SBNO2: variants seen among roughly 807,000 people sequenced by gnomAD.
SBNO2 encodes protein strawberry notch homolog 2.
SBNO2 carries 89 observed loss-of-function variants against 146.3 expected under a neutral mutation model. The observed-to-expected ratio is 0.61, with a 90% CI of 0.51 to 0.73. The LOEUF is 0.73. Ranked by LOEUF, SBNO2 falls within the 30% of genes least tolerant of loss-of-function variation. The pLI is 0.00. For missense variants in SBNO2, 2,092 were observed against 2,003.7 expected, an observed-to-expected ratio of 1.04 and a Z score of -0.84; for synonymous variants, 1,147 against 892.6, an observed-to-expected ratio of 1.29 and a Z score of -5.08.
chr19:1,161,805 G>A (rs1201120832), intron 1 of SBNO2, among the ~76,000 whole-genome samples: 1 of 151,718 alleles, frequency 6.6e-6, no homozygotes, highest in Non-Finnish European at 1.5e-5. Flanking sequence ...CCCTGACGCA[G>A]GTGGTGGGTG....
intron 4 of SBNO2, chr19:1,128,340 T>C (rs963966830): frequency 8.3e-6 from 3 of 361,726 alleles, no homozygotes; most frequent in East Asian, 7.9e-5. Flanking sequence ...GGGCTCGCCA[T>C]GGGGATGACA....
chr19:1,114,623 C>T (rs537379457), intron 17 of SBNO2, among the ~76,000 whole-genome samples: 3 of 149,356 alleles, frequency 2.0e-5, no homozygotes, highest in East Asian at 3.9e-4. Context: ...CAGGAGGGTA[C>T]GGTGTGGGGG....
chr19:1,116,686 G>T, intron 16 of SBNO2, 143 bp downstream of exon 16: 2 of 655,544 alleles, frequency 3.1e-6, no homozygotes, highest in Non-Finnish European at 5.1e-6. Context: ...GGCCTCTGTG[G>T]CTGAGGCTGG....
chr19:1,145,059 A>C lies in SBNO2; in HGVS notation c.279+2250T>G, dbSNP rs181770240. Among the ~76,000 whole-genome samples, 95 of 151,748 alleles carry C rather than the reference A, an allele frequency of 6.3e-4. 3 individuals carry two copies. In the East Asian group the frequency reaches 0.016, roughly 25 times the overall value. On this transcript the variant is annotated intron_variant, in intron 4 of 31. Transcript: ENST00000361757. Reference sequence around the variant, plus strand: ...GAGACAGAGGCAGAGAGGAAGACAGAGGCAGAGAGGGAGGCAGAGACAGAG... The same window carrying C: ...GAGACAGAGGCAGAGAGGAAGACAGCGGCAGAGAGGGAGGCAGAGACAGAG...
intron 1 of SBNO2, among the ~76,000 whole-genome samples, chr19:1,166,423 G>A (rs1282627040): frequency 1.3e-5 from 2 of 152,178 alleles, no homozygotes; most frequent in African/African-American, 2.4e-5. Context: ...AGGGTGGTGC[G>A]GCTTTCTGTG....
intron 4 of SBNO2, among the ~76,000 whole-genome samples, chr19:1,137,506 T>G (rs967466768): frequency 4.6e-3 from 2 of 436 alleles, no homozygotes; most frequent in African/African-American, 0.029. Context: ...GCTGGGGGGG[T>G]GAGGCTCGGG....
chr19:1,149,215 T>TG, intron 3 of SBNO2, among the ~76,000 whole-genome samples, 154 bp downstream of exon 3: 1 of 149,880 alleles, frequency 6.7e-6, no homozygotes, highest in Non-Finnish European at 1.5e-5. Context: ...ACCTGGCCCG[T>TG]GGGGTGGAGC....
intron 1 of SBNO2, among the ~76,000 whole-genome samples, chr19:1,166,143 GACCCCA>G (rs2080420967): frequency 7.9e-6 from 1 of 127,106 alleles, no homozygotes; most frequent in African/African-American, 2.9e-5. Context: ...CAGATCCCCA[GACCCCA>G]GATCCCAGAC....
chr19:1,111,779 G>T (rs528244947), intron 23 of SBNO2, among the ~76,000 whole-genome samples, 165 bp from the exon 24 acceptor site: 1 of 150,152 alleles, frequency 6.7e-6, no homozygotes, highest in African/African-American at 2.5e-5. Flanking sequence ...CTCCCCGGGG[G>T]TCCTAGACTG....
rs1487687790 is a variant in SBNO2 at position 1,150,683 on chromosome 19, G to C, written c.94-1241C>G. Among the ~76,000 whole-genome samples the C allele has an allele frequency of 6.6e-6, 1 of 152,118 alleles. No individual in the cohort carries two copies. The highest frequency in any genetic ancestry group is 1.9e-4 in the East Asian group (1 of 5,186). On this transcript the variant is annotated intron_variant, in intron 2 of 31. Transcript: ENST00000361757. This position sits in a 1 kb window ranked among gnomAD's most constrained non-coding sequence, Gnocchi z 6.2. ...TTCGCCTGCTTCCCTGAGTCCCCCA[G>C]TGACCTCTCCCAGGCCCACGTGAGC... is the stretch of plus-strand genomic sequence containing the variant.
Position 1,127,595 on chromosome 19 carries a change from C to T in SBNO2, c.441+9G>A, listed in dbSNP as rs772871073. 2.7e-5 allele frequency: 44 copies of T among 1,609,896 alleles called. No homozygotes were observed. The highest frequency in any genetic ancestry group is 1.3e-4 in the African/African-American group (10 of 74,864). ...GTCGGGGCTGGCTGGGGGCACCGGG[C>T]GCACTGACCTTATCGTGGGTGGAGG... On this transcript the variant is annotated intron_variant, in intron 5 of 31. Transcript: ENST00000361757.
chr19:1,144,330 T>C lies in SBNO2; in HGVS notation c.279+2979A>G, dbSNP rs1420314011. Among the ~76,000 whole-genome samples, 1 of 152,136 alleles carries C rather than the reference T, an allele frequency of 6.6e-6. No homozygotes were observed. Among genetic ancestry groups the C allele is most frequent in the East Asian group, 1.9e-4 (1 of 5,196 alleles). On this transcript the variant is annotated intron_variant, in intron 4 of 31. Coordinates refer to ENST00000361757, the MANE Select transcript of SBNO2 (RefSeq NM_014963.3). The surrounding 1 kb of genome is among the most constrained non-coding windows in gnomAD (Gnocchi z 4.1). ...CTTCCTCCAAATGAAGTTCTGCTGC[T>C]TTAACAGGGAGATTTGGGTCCAAGC...
chr19:1,129,900 C>T (rs2080009203), intron 4 of SBNO2, among the ~76,000 whole-genome samples: 1 of 152,166 alleles, frequency 6.6e-6, no homozygotes, highest in African/African-American at 2.4e-5. Flanking sequence ...GAGACACCTG[C>T]CCCACGCCCT....
At chr19:1,111,974 A>T in intron 23 of SBNO2, 22 bp downstream of exon 23, 1 of 1,021,624 alleles carries the variant, frequency 9.8e-7, no homozygotes, top group Non-Finnish European at 1.4e-6. Context: ...CCCGCCCCCC[A>T]ACCCTGCCTT....
chr19:1,166,584 C>G (rs1403578658), intron 1 of SBNO2, among the ~76,000 whole-genome samples: 2 of 150,918 alleles, frequency 1.3e-5, no homozygotes, highest in African/African-American at 4.9e-5. Context: ...TGGAGACCAG[C>G]CTGGGCAACA....
At chr19:1,122,613 G>A (rs755054583) in intron 9 of SBNO2, 45 bp downstream of exon 9, 24 of 545,906 alleles carry the variant, frequency 4.4e-5, no homozygotes, top group Middle Eastern at 7.1e-4. Flanking sequence ...CCCCGCTTCC[G>A]CCCCCCACCC....
chr19:1,147,244 A>C lies in SBNO2; in HGVS notation c.279+65T>G, dbSNP rs2080199118. The stretch of plus-strand genomic sequence containing the variant: ...GCCTGAGCGAGAGAGGTCGCAGGGC[A>C]GCTGGAGGGGCGGCCCAGACTCCAC... On this transcript the variant is annotated intron_variant, in intron 4 of 31. Coordinates refer to ENST00000361757, the MANE Select transcript of SBNO2 (RefSeq NM_014963.3). 4 of 1,098,792 alleles carry C rather than the reference A, an allele frequency of 3.6e-6. No individual in the cohort carries two copies. The East Asian group carries it at 1.1e-4, about 29-fold the overall frequency. 68.1% of individuals were successfully genotyped at this position (1,098,792 alleles called of 1,614,324 possible). A position where few individuals can be genotyped will look rare whatever the true frequency, so the allele number is the denominator to read the frequency against.
chr19:1,160,024 C>T (rs1034059971), intron 1 of SBNO2, among the ~76,000 whole-genome samples: 3 of 152,100 alleles, frequency 2.0e-5, no homozygotes, highest in African/African-American at 4.8e-5. Context: ...CCTCCGGGTG[C>T]CCCCGCCTGC....
At chr19:1,114,781 CCCA>C (rs1037051988) in intron 17 of SBNO2, among the ~76,000 whole-genome samples, 176 of 151,482 alleles carry the variant, frequency 1.2e-3, no homozygotes, top group African/African-American at 4.1e-3. Flanking sequence ...ATTACAGGCG[CCCA>C]CCACCACGCC....
Sources: gnomAD v4.1 joint callset for allele counts (sites outside exome capture counted in the v4.1 genomes callset) on GRCh38, gnomAD v4.1.1 for gene constraint, Gnocchi (gnomAD v3.1) non-coding constraint, MANE v1.5 for transcripts, NCBI Gene and HGNC (gene_info 2026-07-23, HGNC 2026-07-21) for gene names.